Variants in ADCY10 observed in about 807,000 individuals in gnomAD.
ADCY10 encodes adenylate cyclase 10.
A neutral mutation model predicts 183.3 loss-of-function variants in ADCY10; 156 were observed. The observed-to-expected ratio is 0.85, with a 90% CI of 0.75 to 0.97. The LOEUF is 0.97. Ranked by LOEUF, ADCY10 falls within the 50% of genes least tolerant of loss-of-function variation. ADCY10 has a pLI of 0.00. For synonymous variants in ADCY10, 645 were observed against 670.0 expected (o/e 0.96, Z 0.58); for missense variants, 1,745 against 1,934.3 (o/e 0.90, Z 1.84).
intron 21 of ADCY10, among the ~76,000 whole-genome samples, chr1:167,839,477 T>G (rs1198326397): frequency 6.6e-6 from 1 of 152,252 alleles, no homozygotes; most frequent in Non-Finnish European, 1.5e-5. Flanking sequence ...GGCAAGCCTT[T>G]TACATGAGAA....
chr1:167,831,857 G>A (rs530791071), intron 25 of ADCY10, among the ~76,000 whole-genome samples: 2 of 152,184 alleles, frequency 1.3e-5, no homozygotes, highest in South Asian at 2.1e-4. Flanking sequence ...AATTCAAATT[G>A]AGGCATCCTG....
rs949230167 is a variant in ADCY10, at chr1:167,905,191, T to C, written c.-51A>G. 3.7e-6 allele frequency: 6 copies of C among 1,602,594 alleles called. No individual in the cohort carries two copies. The African/African-American group carries it at 6.7e-5, about 18-fold the overall frequency. On this transcript the variant is annotated 5_prime_UTR_variant, in exon 2 of 33. Transcript: ENST00000367851. The stretch of plus-strand genomic sequence containing the variant: ...ATGGTGACAGGAAGCAGTCTCCAAA[T>C]AGGTCTTCTAAAAAGAAAATTGAAA...
intron 14 of ADCY10, among the ~76,000 whole-genome samples, chr1:167,865,146 A>G (rs1379837677): frequency 1.3e-5 from 2 of 152,230 alleles, no homozygotes; most frequent in African/African-American, 4.8e-5. Context: ...GAAACAGTTT[A>G]TGTGCAAGGT....
At chr1:167,897,264 T>C (rs1052645205) in intron 6 of ADCY10, among the ~76,000 whole-genome samples, 1 of 150,840 alleles carries the variant, frequency 6.6e-6, no homozygotes, top group Admixed American at 6.6e-5. Flanking sequence ...GGTGGGCAGA[T>C]TGCTTGAGCT....
intron 1 of ADCY10, among the ~76,000 whole-genome samples, chr1:167,907,013 T>C (rs967057937): frequency 1.1e-4 from 17 of 152,194 alleles, no homozygotes; most frequent in African/African-American, 4.1e-4. Flanking sequence ...GATTGAAAAG[T>C]ATAACAAGCA....
chr1:167,880,030 C>G, intron 11 of ADCY10, 85 bp downstream of exon 11: 2 of 1,168,090 alleles, frequency 1.7e-6, no homozygotes, highest in Non-Finnish European at 2.5e-6. Context: ...ATGTCTCACT[C>G]ATTTTTGTGC....
intron 14 of ADCY10, among the ~76,000 whole-genome samples, chr1:167,862,326 A>T (rs1521877): frequency 0.74 from 113,020 of 152,094 alleles, 42,636 homozygotes; most frequent in East Asian, 0.86. Flanking sequence ...TAATCCAATA[A>T]AACTGATGCC....
rs781301765 is a variant in ADCY10, at chr1:167,896,548, C to G, written c.739+47G>C. 4 of 1,448,944 alleles carry G rather than the reference C, an allele frequency of 2.8e-6. No individual in the cohort carries two copies. In the Admixed American group the frequency reaches 6.7e-5, roughly 24 times the overall value. The allele number at this position is 1,448,944 out of a possible 1,614,324, so 89.8% of individuals were successfully genotyped here. On this transcript the variant is annotated intron_variant, in intron 7 of 32. Transcript: ENST00000367851. The stretch of plus-strand genomic sequence containing the variant: ...CTGTCGGCATTGATATAAGACCCTA[C>G]TGACCACTGGTAGAGGCAAAGGCAT...
rs114528509 is a variant in ADCY10, at chr1:167,862,579, T to C, written c.1617-1516A>G. On this transcript the variant is annotated intron_variant, in intron 14 of 32. Coordinates refer to ENST00000367851, the MANE Select transcript of ADCY10 (RefSeq NM_018417.6). ...TGAGACAAATTTCTGTTGTAAGCCA[T>C]CCATTTGTAGTACTTTTTTACAGAG... is the stretch of plus-strand genomic sequence containing the variant. Among the ~76,000 whole-genome samples, 915 of 152,272 alleles carry C rather than the reference T, an allele frequency of 6.0e-3. 13 individuals carry two copies. Among genetic ancestry groups the C allele is most frequent in the African/African-American group, 0.021 (889 of 41,554 alleles).
In ADCY10 at chr1:167,854,790, T is replaced by A. The variant is rs67812085; in HGVS notation, c.2172-301A>T. On this transcript the variant is annotated intron_variant, in intron 17 of 32. Transcript: ENST00000367851. The stretch of plus-strand genomic sequence containing the variant: ...AAGCAAGACTAAGGATGTACCTTTT[T>A]GGCTTTGGAAAGATATACATGTTCT... Among the ~76,000 whole-genome samples, 8,863 of 152,206 alleles carry A rather than the reference T, an allele frequency of 0.058. 483 individuals are homozygous for A. Among genetic ancestry groups the A allele is most frequent in the East Asian group, 0.31 (1,589 of 5,174 alleles).
rs745844608 is a variant in ADCY10, at chr1:167,860,871, C to T, written c.1809G>A (p.Gln603=). ...YCLLNDIFHV[Q]FPISREISRM... is the part of the protein sequence containing the mutation. ...CAGAAGTATAATACTAGCTAGTTAC[C>T]TGAACATGGAAAATGTCATTAAGAA... is the stretch of plus-strand genomic sequence containing the variant. The change falls in exon 15 of 33, where the codon CAG becomes CAA. Residue 603 remains glutamine (Q), a splice_region_variant and synonymous_variant. Transcript: ENST00000367851. 1.2e-6 allele frequency: 2 copies of T among 1,613,778 alleles called. No homozygotes were observed. The highest frequency in any genetic ancestry group is 1.1e-5 in the South Asian group (1 of 91,040).
intron 9 of ADCY10, 33 bp from the exon 10 acceptor site, chr1:167,880,642 T>C: frequency 6.6e-7 from 1 of 1,510,188 alleles, no homozygotes; most frequent in Non-Finnish European, 9.2e-7. Context: ...CCACAGCTGA[T>C]GGACAGTGTG....
chr1:167,842,928 G>A (rs1372612778), intron 21 of ADCY10, among the ~76,000 whole-genome samples: 1 of 152,160 alleles, frequency 6.6e-6, no homozygotes, highest in Non-Finnish European at 1.5e-5. Context: ...CCCCTGACTG[G>A]AATTACTGAA....
intron 26 of ADCY10, among the ~76,000 whole-genome samples, chr1:167,826,989 T>A (rs1663339971): frequency 6.6e-6 from 1 of 152,178 alleles, no homozygotes; most frequent in Non-Finnish European, 1.5e-5. Context: ...ATGGGCTTTA[T>A]AAATACTTCT....
Position 167,893,874 on chromosome 1 carries a change from C to A in ADCY10, c.807G>T (p.Val269=). 6.2e-7 allele frequency: 1 copy of A among 1,613,008 alleles called. No individual in the cohort carries two copies. Among genetic ancestry groups the A allele is most frequent in the Non-Finnish European group, 8.5e-7 (1 of 1,179,454 alleles). Residue 269 remains valine, a synonymous_variant, in exon 8 of 33, where the codon GTG becomes GTT. Coordinates refer to ENST00000367851, the MANE Select transcript of ADCY10 (RefSeq NM_018417.6). ...PELEMSLQKY[V]MESILKQIDN... Reference sequence around the variant, plus strand: ...ATACCTGCTTCAAAATGCTTTCCATCACATACTTTTGTAGGGACATCTCCA... The same window carrying A: ...ATACCTGCTTCAAAATGCTTTCCATAACATACTTTTGTAGGGACATCTCCA...
intron 7 of ADCY10, 28 bp from the exon 8 acceptor site, chr1:167,893,969 T>A (rs759067054): frequency 2.6e-6 from 4 of 1,568,026 alleles, no homozygotes; most frequent in Non-Finnish European, 3.5e-6. Flanking sequence ...GGGTGCAGGC[T>A]CAGAGAGGGA....
At chr1:167,869,865 G>A (rs534276095) in intron 14 of ADCY10, among the ~76,000 whole-genome samples, 27 of 152,252 alleles carry the variant, frequency 1.8e-4, no homozygotes, top group Admixed American at 1.6e-3. Context: ...TCACTATCTC[G>A]GTGTCTGAGG....
chr1:167,868,724 G>A lies in ADCY10; in HGVS notation c.1616+1533C>T, dbSNP rs563823164. Among the ~76,000 whole-genome samples the A allele has an allele frequency of 3.4e-4, 52 of 152,274 alleles. No homozygotes were observed. The East Asian group carries it at 9.3e-3, about 27-fold the overall frequency. ...GGGCTTCCCTGTCTATGCTTTCCGCGAAAAGCGAAACATAGCCATAGATAA... is the reference window on the plus strand; with the variant it reads ...GGGCTTCCCTGTCTATGCTTTCCGCAAAAAGCGAAACATAGCCATAGATAA... On this transcript the variant is annotated intron_variant, in intron 14 of 32. Coordinates refer to ENST00000367851, the MANE Select transcript of ADCY10 (RefSeq NM_018417.6).
rs553085987 is a variant in ADCY10, at chr1:167,831,703, G to A, written c.3593+1284C>T. On this transcript the variant is annotated intron_variant, in intron 25 of 32. Transcript: ENST00000367851. ...ACTCCTTTTACAAAATGTGAAATGT[G>A]TAAATTACCTGTTTTAGCAGATGAA... Among the ~76,000 whole-genome samples the A allele has an allele frequency of 3.9e-5, 6 of 152,256 alleles. No individual in the cohort carries two copies. The South Asian group carries it at 8.3e-4, about 21-fold the overall frequency.
Sources: allele counts gnomAD v4.1 joint callset (sites outside exome capture counted in the v4.1 genomes callset), GRCh38; gene constraint gnomAD v4.1.1; transcripts MANE v1.5; gene names NCBI Gene and HGNC (gene_info 2026-07-23, HGNC 2026-07-21).